VAMP7: variants seen among roughly 807,000 people sequenced by gnomAD.
The protein encoded by VAMP7 is vesicle-associated membrane protein 7.
A neutral mutation model predicts 29.6 loss-of-function variants in VAMP7; 14 were observed. The ratio of observed to expected loss-of-function variants is 0.47; its 90% CI spans 0.31 to 0.74. The LOEUF (loss-of-function observed/expected upper bound fraction) is 0.74. VAMP7 is among the 30% of genes least tolerant of loss of function. The pLI is 0.05. For synonymous variants in VAMP7, 95 were observed against 88.1 expected (o/e 1.08, Z -0.44); for missense variants, 223 against 262.4 (o/e 0.85, Z 1.04).
At chrX:155,895,803 T>C in intron 3 of VAMP7, 123 bp downstream of exon 3, 1 of 697,424 alleles carries the variant, frequency 1.4e-6, no homozygotes, top group Non-Finnish European at 2.5e-6. Flanking sequence ...CTGTGGCTTG[T>C]TAGGAACCAG....
chrX:155,900,138 G>A (rs1032143101), intron 4 of VAMP7, among the ~76,000 whole-genome samples: 18 of 151,882 alleles, frequency 1.2e-4, no homozygotes, highest in Non-Finnish European at 1.5e-5. Context: ...TTCCCCCACT[G>A]CCCCAACTAC....
intron 6 of VAMP7, among the ~76,000 whole-genome samples, chrX:155,920,208 A>G (rs1023095649): frequency 2.0e-5 from 3 of 152,208 alleles, no homozygotes; most frequent in African/African-American, 7.2e-5. Context: ...TTTGTAAAAC[A>G]TGAAACAAAT....
At position 155,939,685 on chromosome X, in the gene VAMP7, C is replaced by A; in HGVS notation, c.502-16C>A. 1 of 1,600,406 alleles carries A rather than the reference C, an allele frequency of 6.2e-7. No individual in the cohort carries two copies. ...AGTCAGTGCCAGGGGTTAAACAATT[C>A]TCGCCTCTTTTCTAGTCTGTCACCT... On this transcript the variant is annotated splice_polypyrimidine_tract_variant and intron_variant, in intron 6 of 7. Coordinates refer to ENST00000286448, the MANE Select transcript of VAMP7 (RefSeq NM_005638.6).
At chrX:155,896,215 A>G (rs1039754552) in intron 3 of VAMP7, among the ~76,000 whole-genome samples, 20 of 152,170 alleles carry the variant, frequency 1.3e-4, no homozygotes, top group African/African-American at 4.8e-4. Context: ...AAATCAACTC[A>G]ATTTTGGTAG....
intron 5 of VAMP7, among the ~76,000 whole-genome samples, chrX:155,919,525 T>C (rs926122609): frequency 1.3e-5 from 2 of 152,142 alleles, no homozygotes; most frequent in African/African-American, 4.8e-5. Flanking sequence ...CATTCAGTAG[T>C]GTAGTCTGTA....
At chrX:155,922,584 A>G (rs189866014) in intron 6 of VAMP7, among the ~76,000 whole-genome samples, 1 of 152,186 alleles carries the variant, frequency 6.6e-6, no homozygotes. Flanking sequence ...CCCTTCTTAT[A>G]TAACACTTTA....
intron 6 of VAMP7, among the ~76,000 whole-genome samples, chrX:155,923,529 A>G (rs747335445): frequency 6.6e-6 from 1 of 151,186 alleles, no homozygotes; most frequent in African/African-American, 2.4e-5. Context: ...TGTCTTTTAC[A>G]TTGTTTCTGA....
At chrX:155,907,878 C>CA (rs1481139427) in intron 5 of VAMP7, among the ~76,000 whole-genome samples, 1 of 152,050 alleles carries the variant, frequency 6.6e-6, no homozygotes, top group Non-Finnish European at 1.5e-5. Context: ...CCTCACTTCT[C>CA]AGACAGGGCG....
In VAMP7 at chrX:155,900,518, G is replaced by C. The variant is rs189743661; in HGVS notation, c.364G>C (p.Gly122Arg). ...AQLKHHSENK[G>R]LDKVMETQAQ... ...ATAGAAGCATCACTCTGAGAATAAG[G>C]GCCTAGACAAAGTGATGGAGACTCA... The change falls in exon 5 of 8, where the codon GGC becomes CGC. Residue 122 changes from glycine to arginine, a missense_variant. Transcript: ENST00000286448. 6.2e-7 allele frequency: 1 copy of C among 1,610,276 alleles called. No individual in the cohort carries two copies. Among genetic ancestry groups the C allele is most frequent in the Non-Finnish European group, 8.5e-7 (1 of 1,177,930 alleles).
chrX:155,916,047 G>C (rs2066307742), intron 5 of VAMP7, among the ~76,000 whole-genome samples: 1 of 152,104 alleles, frequency 6.6e-6, no homozygotes, highest in South Asian at 2.1e-4. Flanking sequence ...TCCTGTATTG[G>C]GTGCATATAT....
rs1396473604 is a variant in VAMP7, at chrX:155,937,578, T to C, written c.502-2123T>C. Among the ~76,000 whole-genome samples, 16 of 152,196 alleles carry C rather than the reference T, an allele frequency of 1.1e-4. 1 individual carries two copies. In the South Asian group the frequency reaches 3.3e-3, roughly 32 times the overall value. On this transcript the variant is annotated intron_variant, in intron 6 of 7. Transcript: ENST00000286448. The stretch of plus-strand genomic sequence containing the variant: ...AATTATACTTCAAGGCAGAAAAAAA[T>C]AAAATTAGAGTAGAAACAAAAGCTT...
intron 6 of VAMP7, among the ~76,000 whole-genome samples, chrX:155,922,015 G>T (rs1259138231): frequency 6.6e-6 from 1 of 151,884 alleles, no homozygotes; most frequent in African/African-American, 2.4e-5. Flanking sequence ...TTGGTGTACA[G>T]GTCTTGCACA....
chrX:155,885,519 G>C (rs947895830), intron 1 of VAMP7, among the ~76,000 whole-genome samples: 1 of 152,194 alleles, frequency 6.6e-6, no homozygotes, highest in African/African-American at 2.4e-5. Flanking sequence ...AAGCTGTGTT[G>C]AAGTCCTAAC....
At chrX:155,909,354 T>C (rs966039587) in intron 5 of VAMP7, among the ~76,000 whole-genome samples, 1 of 152,176 alleles carries the variant, frequency 6.6e-6, no homozygotes, top group African/African-American at 2.4e-5. Flanking sequence ...TTTAGTAATG[T>C]AAGTTTTTTC....
At chrX:155,895,748 C>A in intron 3 of VAMP7, 68 bp downstream of exon 3, 2 of 1,465,896 alleles carry the variant, frequency 1.4e-6, no homozygotes, top group South Asian at 1.2e-5. Context: ...TCTTAATTAT[C>A]TATACCAGGG....
At chrX:155,902,162 G>T (rs1302459270) in intron 5 of VAMP7, among the ~76,000 whole-genome samples, 1 of 151,966 alleles carries the variant, frequency 6.6e-6, no homozygotes. Flanking sequence ...CTCATGATTT[G>T]ACTCTCTGTC....
At chrX:155,892,782 C>T (rs1337119530) in intron 2 of VAMP7, among the ~76,000 whole-genome samples, 1 of 150,990 alleles carries the variant, frequency 6.6e-6, no homozygotes, top group East Asian at 1.9e-4. Flanking sequence ...GACGAAGTTT[C>T]GCTTTTGTTG....
At chrX:155,919,760 A>C in intron 5 of VAMP7, 53 bp from the exon 6 acceptor site, 1 of 1,513,970 alleles carries the variant, frequency 6.6e-7, no homozygotes, top group African/African-American at 1.4e-5. Context: ...AAAAAAGTTT[A>C]TTTTATTCTA....
intron 6 of VAMP7, among the ~76,000 whole-genome samples, chrX:155,939,337 G>A (rs1268437510): frequency 6.6e-6 from 1 of 152,158 alleles, no homozygotes; most frequent in Non-Finnish European, 1.5e-5. Context: ...AATTATACGG[G>A]GCAGAATAGG....
Sources: gnomAD v4.1 joint callset for allele counts (sites outside exome capture counted in the v4.1 genomes callset) on GRCh38, gnomAD v4.1.1 for gene constraint, MANE v1.5 for transcripts, NCBI Gene and HGNC (gene_info 2026-07-23, HGNC 2026-07-21) for gene names.